The following STX12 variants were observed in gnomAD, a reference collection of about 807,000 sequenced individuals.
The protein encoded by STX12 is syntaxin 12, also known as syntaxin-12.
A neutral mutation model predicts 42.2 loss-of-function variants in STX12; 17 were observed. The ratio of observed to expected loss-of-function variants is 0.40; its 90% CI spans 0.28 to 0.60. The LOEUF is 0.60. STX12 is among the 20% of genes least tolerant of loss of function. The pLI, the probability that STX12 is intolerant of heterozygous loss-of-function variation, is 0.39. For missense variants in STX12, 297 were observed against 330.9 expected (o/e 0.90, Z 0.79); for synonymous variants, 108 against 116.7 (o/e 0.93, Z 0.48).
chr1:27,781,964 C>A (rs770363908), intron 1 of STX12, among the ~76,000 whole-genome samples: 5 of 152,184 alleles, frequency 3.3e-5, no homozygotes, highest in Non-Finnish European at 5.9e-5. Context: ...TTCATCCTCA[C>A]AACAACCATA....
intron 6 of STX12, among the ~76,000 whole-genome samples, chr1:27,813,332 C>T (rs1419414102): frequency 6.6e-6 from 1 of 152,150 alleles, no homozygotes; most frequent in Non-Finnish European, 1.5e-5. Flanking sequence ...CGCACCACCA[C>T]ACTCGGCTAA....
Position 27,810,253 on chromosome 1 carries a change from A to G in STX12, c.434A>G (p.Glu145Gly). The G allele has an allele frequency of 6.2e-7, 1 of 1,613,718 alleles. No homozygotes were observed. Among genetic ancestry groups the G allele is most frequent in the Non-Finnish European group, 8.5e-7 (1 of 1,179,702 alleles). ...ARAGSRLSAE[E>G]RQREEQLVSF... is the part of the protein sequence containing the mutation. The stretch of plus-strand genomic sequence containing the variant: ...ATACCATCTACTTTCTAGGCAGAAG[A>G]GAGGCAAAGAGAGGAGCAGCTGGTC... Residue 145 changes from glutamate to glycine, a missense_variant, in exon 5 of 9, where the codon GAG (glutamate) becomes GGG (glycine). Transcript: ENST00000373943.
intron 4 of STX12, 55 bp from the exon 5 acceptor site, chr1:27,810,191 T>A: frequency 6.4e-7 from 1 of 1,553,576 alleles, no homozygotes; most frequent in Non-Finnish European, 8.9e-7. Context: ...CCTTGTTTTG[T>A]GTGTCTGTGA....
chr1:27,779,554 A>G (rs1374935611), intron 1 of STX12, among the ~76,000 whole-genome samples: 2 of 151,276 alleles, frequency 1.3e-5, no homozygotes, highest in African/African-American at 4.9e-5. Context: ...CTGGTCTCGA[A>G]CTCCTGACCT....
At chr1:27,801,601 T>C (rs1378722663) in intron 3 of STX12, 77 bp from the exon 4 acceptor site, 5 of 1,398,216 alleles carry the variant, frequency 3.6e-6, no homozygotes, top group Non-Finnish European at 4.7e-6. Context: ...AGGGGTATAA[T>C]TTTACTTTTA....
chr1:27,787,401 G>A (rs1009475326), intron 1 of STX12, among the ~76,000 whole-genome samples: 2 of 152,144 alleles, frequency 1.3e-5, no homozygotes, highest in Non-Finnish European at 2.9e-5. Flanking sequence ...GCTCAACCCT[G>A]CAATCCCAGC....
At chr1:27,778,310 G>A (rs2088641380) in intron 1 of STX12, among the ~76,000 whole-genome samples, 1 of 152,174 alleles carries the variant, frequency 6.6e-6, no homozygotes, top group Non-Finnish European at 1.5e-5. Context: ...TTGACTTACT[G>A]TGGAACAAAG....
intron 4 of STX12, among the ~76,000 whole-genome samples, chr1:27,808,969 A>G (rs1233171127): frequency 1.3e-5 from 2 of 152,224 alleles, no homozygotes; most frequent in African/African-American, 4.8e-5. Context: ...ACAAAATAAT[A>G]TACAGAATAA....
At chr1:27,796,719 T>G (rs1258210769) in intron 3 of STX12, among the ~76,000 whole-genome samples, 100 of 149,818 alleles carry the variant, frequency 6.7e-4, no homozygotes, top group Non-Finnish European at 6.8e-4. Flanking sequence ...TTTTTTTTTT[T>G]GGGACAGAGT....
intron 2 of STX12, among the ~76,000 whole-genome samples, chr1:27,792,182 G>GTA (rs1418748478): frequency 9.4e-6 from 1 of 106,066 alleles, no homozygotes; most frequent in East Asian, 3.3e-4. Context: ...ACATATATAT[G>GTA]TATCTATATA....
intron 1 of STX12, among the ~76,000 whole-genome samples, chr1:27,779,622 G>A (rs1355726038): frequency 6.6e-6 from 1 of 151,826 alleles, no homozygotes; most frequent in Admixed American, 6.6e-5. Flanking sequence ...ATGAGCCACC[G>A]TGCCTGGCCT....
intron 1 of STX12, among the ~76,000 whole-genome samples, chr1:27,779,921 A>T (rs2088656219): frequency 6.6e-6 from 1 of 151,354 alleles, no homozygotes; most frequent in Non-Finnish European, 1.5e-5. Context: ...CCTCCCGAGT[A>T]GCTGGGATTA....
intron 2 of STX12, among the ~76,000 whole-genome samples, chr1:27,791,845 G>A (rs1369300963): frequency 2.6e-5 from 4 of 151,346 alleles, no homozygotes; most frequent in South Asian, 2.1e-4. Flanking sequence ...TTAGCTGTGC[G>A]TGGTGGCTTG....
chr1:27,818,435 T>A (rs2088958018), intron 7 of STX12, among the ~76,000 whole-genome samples: 1 of 151,818 alleles, frequency 6.6e-6, no homozygotes, highest in Non-Finnish European at 1.5e-5. Flanking sequence ...AGTTAAAGTA[T>A]GTTTAGGAAT....
At chr1:27,781,263 C>G (rs1405946938) in intron 1 of STX12, among the ~76,000 whole-genome samples, 2 of 152,022 alleles carry the variant, frequency 1.3e-5, no homozygotes, top group East Asian at 3.9e-4. Flanking sequence ...AAGCTGGTCT[C>G]GAACTCCTGA....
chr1:27,779,048 T>G, intron 1 of STX12, among the ~76,000 whole-genome samples: 1 of 152,180 alleles, frequency 6.6e-6, no homozygotes, highest in South Asian at 2.1e-4. Flanking sequence ...CATTTAAAAT[T>G]GATTATTATG....
chr1:27,774,459 T>G (rs1411542679), intron 1 of STX12, among the ~76,000 whole-genome samples: 1 of 152,214 alleles, frequency 6.6e-6, no homozygotes, highest in African/African-American at 2.4e-5. Flanking sequence ...AACTAGTTAG[T>G]CCTGAATTAC....
At chr1:27,810,464 T>C (rs1200441905) in intron 5 of STX12, among the ~76,000 whole-genome samples, 175 bp downstream of exon 5, 1 of 152,164 alleles carries the variant, frequency 6.6e-6, no homozygotes, top group Non-Finnish European at 1.5e-5. Flanking sequence ...TTTTCCAAGC[T>C]CTTTGAGTTA....
intron 1 of STX12, 130 bp from the exon 2 acceptor site, chr1:27,789,432 G>A: frequency 3.6e-6 from 2 of 563,284 alleles, no homozygotes; most frequent in East Asian, 6.8e-5. Context: ...TTTGATCATA[G>A]CATGGTCTCT....
Sources: gnomAD v4.1 joint callset for allele counts (sites outside exome capture counted in the v4.1 genomes callset) on GRCh38, gnomAD v4.1.1 for gene constraint, MANE v1.5 for transcripts, NCBI Gene and HGNC (gene_info 2026-07-23, HGNC 2026-07-21) for gene names.